The following MAP3K7 variants were observed in gnomAD, a reference collection of about 807,000 sequenced individuals.
MAP3K7 encodes TGF-beta activated kinase 1.
MAP3K7 carries 21 observed loss-of-function variants against 84.8 expected under a neutral mutation model. That is an observed-to-expected ratio of 0.25 (90% CI 0.18 to 0.36). MAP3K7 has a LOEUF of 0.36. Ranked by LOEUF, MAP3K7 falls within the 10% of genes least tolerant of loss-of-function variation. MAP3K7 has a pLI of 1.00. For synonymous variants in MAP3K7, 241 were observed against 247.7 expected (o/e 0.97, Z 0.25); for missense variants, 503 against 747.7 (o/e 0.67, Z 3.82).
chr6:90,556,729 A>AT, intron 5 of MAP3K7, 105 bp from the exon 6 acceptor site: 2 of 1,127,166 alleles, frequency 1.8e-6, no homozygotes. Flanking sequence ...AGCAAAATGA[A>AT]TGTTATCATT....
chr6:90,533,492 C>T (rs1042649212), intron 13 of MAP3K7, among the ~76,000 whole-genome samples: 7 of 152,070 alleles, frequency 4.6e-5, no homozygotes, highest in Admixed American at 2.0e-4. Flanking sequence ...CCAGATTGGC[C>T]GCTGTCAGAA....
intron 14 of MAP3K7, among the ~76,000 whole-genome samples, chr6:90,519,541 ATTTAAG>A (rs1775080755): frequency 6.6e-6 from 1 of 152,020 alleles, no homozygotes; most frequent in Non-Finnish European, 1.5e-5. Flanking sequence ...CATACCTATA[ATTTAAG>A]TTGGCTATAA....
intron 1 of MAP3K7, among the ~76,000 whole-genome samples, chr6:90,578,530 C>G (rs1582243851): frequency 6.6e-6 from 1 of 152,298 alleles, no homozygotes; most frequent in East Asian, 1.9e-4. Context: ...CTGGGTTGGC[C>G]TTCCAAAGTG....
chr6:90,523,389 T>G (rs1176712024), intron 14 of MAP3K7, among the ~76,000 whole-genome samples: 1 of 151,886 alleles, frequency 6.6e-6, no homozygotes, highest in Non-Finnish European at 1.5e-5. Flanking sequence ...AATCACAGGC[T>G]GAAGTATCAA....
intron 15 of MAP3K7, 44 bp from the exon 16 acceptor site, chr6:90,518,606 CA>C: frequency 1.0e-6 from 1 of 959,890 alleles, no homozygotes; most frequent in Non-Finnish European, 1.7e-6. Context: ...AATCAAATTT[CA>C]ATATCTAGCT....
chr6:90,574,940 G>A (rs1329888080), intron 1 of MAP3K7, among the ~76,000 whole-genome samples: 1 of 152,068 alleles, frequency 6.6e-6, no homozygotes, highest in East Asian at 1.9e-4. Context: ...TCTTATTAGG[G>A]CCACGAGATA....
intron 11 of MAP3K7, 42 bp from the exon 12 acceptor site, chr6:90,544,674 A>T (rs1318467850): frequency 6.8e-7 from 1 of 1,468,846 alleles, no homozygotes. Flanking sequence ...AAACAACCAC[A>T]AACAGTAACA....
chr6:90,577,110 C>T (rs867661467), intron 1 of MAP3K7, among the ~76,000 whole-genome samples: 2 of 152,166 alleles, frequency 1.3e-5, no homozygotes, highest in Middle Eastern at 6.8e-3. Flanking sequence ...ACAATAGCTA[C>T]GAGGGCAAGG....
Position 90,556,661 on chromosome 6 carries a change from A to C in MAP3K7, c.483-37T>G, listed in dbSNP as rs1315169820. The C allele has an allele frequency of 7.7e-6, 12 of 1,562,084 alleles. No individual in the cohort carries two copies. In the South Asian group the frequency reaches 1.1e-4, roughly 14 times the overall value. On this transcript the variant is annotated intron_variant, in intron 5 of 16. Transcript: ENST00000369329. ...AAAACAAAAAACATCAAAAGTTACA[A>C]GGCCAACATTTTATTCTACAATAAA...
In MAP3K7 at chr6:90,525,577, T is replaced by G. The variant is rs568943917; in HGVS notation, c.1357-1794A>C. 9.3e-4 allele frequency among the ~76,000 whole-genome samples: 142 copies of G among 151,974 alleles called. 2 individuals are homozygous for G. Among genetic ancestry groups the G allele is most frequent in the African/African-American group, 3.3e-3 (135 of 41,454 alleles). On this transcript the variant is annotated intron_variant, in intron 13 of 16. Coordinates refer to ENST00000369329, the MANE Select transcript of MAP3K7 (RefSeq NM_145331.3). ...GACATATCCACCATCACAGTGAGATTTGTTTTTAAAGACAGGGTCTTGCTC... is the reference window on the plus strand; with the variant it reads ...GACATATCCACCATCACAGTGAGATGTGTTTTTAAAGACAGGGTCTTGCTC...
chr6:90,561,762 T>C (rs1776523070), intron 3 of MAP3K7, 95 bp from the exon 4 acceptor site: 2 of 875,354 alleles, frequency 2.3e-6, no homozygotes, highest in Non-Finnish European at 3.8e-6. Context: ...ATTTTATAGA[T>C]ATATTAAAAA....
chr6:90,523,624 G>T, intron 14 of MAP3K7, 54 bp downstream of exon 14: 1 of 1,186,118 alleles, frequency 8.4e-7, no homozygotes, highest in Non-Finnish European at 1.3e-6. Flanking sequence ...ATGGCCAAAT[G>T]AATATAAACA....
intron 1 of MAP3K7, among the ~76,000 whole-genome samples, chr6:90,580,964 C>A (rs1344038429): frequency 2.0e-5 from 3 of 152,054 alleles, no homozygotes; most frequent in Non-Finnish European, 4.4e-5. Flanking sequence ...TAGTCTCATA[C>A]AATTAAGTAG....
At chr6:90,560,252 G>A (rs1562100061) in intron 4 of MAP3K7, 38 bp from the exon 5 acceptor site, 1 of 1,611,100 alleles carries the variant, frequency 6.2e-7, no homozygotes, top group Admixed American at 1.7e-5. Context: ...GAACTTTATT[G>A]CATATAACAA....
chr6:90,534,494 C>T (rs1308635863), intron 13 of MAP3K7, among the ~76,000 whole-genome samples: 1 of 152,048 alleles, frequency 6.6e-6, no homozygotes, highest in Non-Finnish European at 1.5e-5. Context: ...ATCAAACTCT[C>T]CCTCACCCAT....
At chr6:90,550,840 ACT>A (rs1254349959) in intron 8 of MAP3K7, 1 of 237,852 alleles carries the variant, frequency 4.2e-6, no homozygotes, top group African/African-American at 2.3e-5. Context: ...TGTAAAACAT[ACT>A]CATGTTCTTA....
intron 16 of MAP3K7, among the ~76,000 whole-genome samples, chr6:90,518,027 G>GA (rs1260688085): frequency 6.6e-6 from 1 of 151,632 alleles, no homozygotes; most frequent in Non-Finnish European, 1.5e-5. Flanking sequence ...TAACTCCTCA[G>GA]AAAAACACTC....
At chr6:90,570,203 G>A (rs1776854391) in intron 2 of MAP3K7, among the ~76,000 whole-genome samples, 1 of 152,150 alleles carries the variant, frequency 6.6e-6, no homozygotes, top group South Asian at 2.1e-4. Context: ...TGAAGAGAAT[G>A]CAAAGTGCAC....
intron 1 of MAP3K7, among the ~76,000 whole-genome samples, chr6:90,579,329 T>C (rs1777189888): frequency 6.6e-6 from 1 of 152,220 alleles, no homozygotes; most frequent in South Asian, 2.1e-4. Context: ...AAGATGGCTG[T>C]CAACAATCCC....
Sources: gnomAD v4.1 joint callset for allele counts (sites outside exome capture counted in the v4.1 genomes callset) on GRCh38, gnomAD v4.1.1 for gene constraint, MANE v1.5 for transcripts, NCBI Gene and HGNC (gene_info 2026-07-23, HGNC 2026-07-21) for gene names.